MAPK6: variants seen among roughly 807,000 people sequenced by gnomAD.
MAPK6 encodes mitogen-activated protein kinase 6.
Under a neutral mutation model 59.3 loss-of-function variants are expected in MAPK6, and 19 were observed. The observed-to-expected ratio is 0.32, with a 90% CI of 0.22 to 0.47. The LOEUF (loss-of-function observed/expected upper bound fraction) is 0.47. MAPK6 is among the 20% of genes least tolerant of loss of function. The probability of loss-of-function intolerance (pLI) is 1.00; values close to 1 mark genes in which losing one functional copy is unlikely to be tolerated. For missense variants in MAPK6, 724 were observed against 847.9 expected, an observed-to-expected ratio of 0.85 and a Z score of 1.81; for synonymous variants, 316 against 290.3, an observed-to-expected ratio of 1.09 and a Z score of -0.90.
chr15:52,064,282 G>A lies in MAPK6; in HGVS notation c.1448G>A (p.Ser483Asn), dbSNP rs147343540. ...GATCTTTCCAATTGGAAAGAACAAA[G>A]CAAAGAAAAATCTGATAAGAAAGGC... is the stretch of plus-strand genomic sequence containing the variant. ...IIDLSNWKEQ[S>N]KEKSDKKGKS... Residue 483 changes from serine to asparagine, a missense_variant, in exon 6 of 6, where the codon AGC becomes AAC. This residue lies in a region of MAPK6 where 502 missense variants were observed against 507.6 expected (regional missense o/e 0.99). Coordinates refer to ENST00000261845, the MANE Select transcript of MAPK6 (RefSeq NM_002748.4). 1.2e-4 allele frequency: 194 copies of A among 1,610,102 alleles called. No homozygotes were observed. Among genetic ancestry groups the A allele is most frequent in the Non-Finnish European group, 1.4e-4 (165 of 1,179,162 alleles).
At chr15:52,013,007 AAAAAAAAAAAAAAATAT>A (rs1294483222) in intron 3 of MAPK6, among the ~76,000 whole-genome samples, 2 of 22,518 alleles carry the variant, frequency 8.9e-5, no homozygotes, top group African/African-American at 3.0e-4. Flanking sequence ...AAAAAAAAAA[AAAAAAAAAAAAAAATAT>A]ATATATATAT....
rs140761472 is a variant in MAPK6 at position 52,031,140 on chromosome 15, C to T, written c.-632+11764C>T. ...GAGAGACAGGGTTTCCCCCTGTTGGCCAGGCTGGTCTCAAACTCCTCACTT... is the reference window on the plus strand; with the variant it reads ...GAGAGACAGGGTTTCCCCCTGTTGGTCAGGCTGGTCTCAAACTCCTCACTT... On this transcript the variant is annotated intron_variant, in intron 1 of 5. Transcript: ENST00000261845. 3.3e-5 allele frequency among the ~76,000 whole-genome samples: 5 copies of T among 152,026 alleles called. No individual in the cohort carries two copies. The East Asian group carries it at 9.7e-4, about 29-fold the overall frequency.
At chr15:51,997,061 C>T (rs1049429460) in intron 2 of MAPK6, among the ~76,000 whole-genome samples, 4 of 151,854 alleles carry the variant, frequency 2.6e-5, no homozygotes, top group East Asian at 1.9e-4. Flanking sequence ...CTCACTGCAA[C>T]GTCTGCCTCC....
At chr15:52,052,683 A>G (rs985552365) in intron 3 of MAPK6, among the ~76,000 whole-genome samples, 17 of 152,158 alleles carry the variant, frequency 1.1e-4, no homozygotes, top group East Asian at 1.9e-4. Context: ...TCATGTAGCA[A>G]TATTTTGGAG....
chr15:51,990,452 G>A (rs183807052), intron 2 of MAPK6, among the ~76,000 whole-genome samples: 17 of 152,294 alleles, frequency 1.1e-4, no homozygotes, highest in Non-Finnish European at 1.5e-4. Flanking sequence ...ATATTGTAGC[G>A]AAAAAGAGAA....
At position 52,028,203 on chromosome 15, in the gene MAPK6, C is replaced by T. The variant is rs1455526920; in HGVS notation, c.-632+8827C>T. Among the ~76,000 whole-genome samples the T allele has an allele frequency of 2.0e-5, 3 of 152,070 alleles. No homozygotes were observed. In the East Asian group the frequency reaches 5.8e-4, roughly 29 times the overall value. ...TCCTGACCTTGTGATCCGCCCGCCT[C>T]GGCCTCCCAAAGTGCTGGGATTACA... On this transcript the variant is annotated intron_variant, in intron 1 of 5. Coordinates refer to ENST00000261845, the MANE Select transcript of MAPK6 (RefSeq NM_002748.4).
intron 3 of MAPK6, among the ~76,000 whole-genome samples, chr15:52,057,892 C>T (rs2141117283): frequency 6.6e-6 from 1 of 152,300 alleles, no homozygotes; most frequent in South Asian, 2.1e-4. Flanking sequence ...CTGTCTTTAT[C>T]CACAAGATTG....
intron 3 of MAPK6, among the ~76,000 whole-genome samples, chr15:52,013,605 T>A (rs1033835592): frequency 6.6e-6 from 1 of 152,222 alleles, no homozygotes; most frequent in African/African-American, 2.4e-5. Flanking sequence ...TGTATTATCA[T>A]CTCCTTCCTC....
intron 3 of MAPK6, among the ~76,000 whole-genome samples, chr15:52,013,812 T>C (rs2030159001): frequency 6.6e-6 from 1 of 152,232 alleles, no homozygotes; most frequent in African/African-American, 2.4e-5. Context: ...TAGATTCTTC[T>C]ACCTGCTCCA....
intron 1 of MAPK6, among the ~76,000 whole-genome samples, chr15:51,980,504 A>C (rs900042799): frequency 1.4e-5 from 2 of 147,872 alleles, no homozygotes; most frequent in African/African-American, 5.0e-5. Flanking sequence ...TTTGGTATCT[A>C]GGATGCATAA....
At position 51,983,507 on chromosome 15, in the gene MAPK6, A is replaced by AT. The variant is rs529863612; in HGVS notation, c.-770+192_-770+193insT. Among the ~76,000 whole-genome samples the AT allele has an allele frequency of 5.2e-3, 751 of 144,570 alleles. 6 individuals are homozygous for AT. Among genetic ancestry groups the AT allele is most frequent in the African/African-American group, 0.02 (712 of 36,060 alleles). 94.8% of individuals were successfully genotyped at this position (144,570 alleles called of 152,430 possible). ...AACAAGCAAACAAAAAACGACAACA[A>AT]CAAAAAAAAACAGGACAACAGGGCT... is the stretch of plus-strand genomic sequence containing the variant. On this transcript the variant is annotated intron_variant, in intron 2 of 7. Transcript: ENST00000691380.
chr15:51,993,405 A>G (rs1237283166), intron 2 of MAPK6, among the ~76,000 whole-genome samples: 1 of 152,256 alleles, frequency 6.6e-6, no homozygotes, highest in African/African-American at 2.4e-5. Flanking sequence ...TGTCACAGAC[A>G]GACCCAGGAG....
At position 51,989,322 on chromosome 15, in the gene MAPK6, G is replaced by A. The variant is rs544622729; in HGVS notation, c.-770+6007G>A. On this transcript the variant is annotated intron_variant, in intron 2 of 7. Transcript: ENST00000691380. ...TTGAACTCCTGACATCAGTTGATCC[G>A]CCCGCCTCAGCCTCCCAAAGTGCCG... Among the ~76,000 whole-genome samples, 7 of 151,706 alleles carry A rather than the reference G, an allele frequency of 4.6e-5. No individual in the cohort carries two copies. The South Asian group carries it at 6.3e-4, about 14-fold the overall frequency.
At chr15:52,005,542 G>C (rs2057255979) in intron 3 of MAPK6, among the ~76,000 whole-genome samples, 1 of 151,726 alleles carries the variant, frequency 6.6e-6, no homozygotes, top group Non-Finnish European at 1.5e-5. Flanking sequence ...AAAAAAAAGA[G>C]AGAGAGAGAT....
chr15:51,999,530 C>T (rs1252546226), intron 2 of MAPK6, among the ~76,000 whole-genome samples: 1 of 152,056 alleles, frequency 6.6e-6, no homozygotes, highest in Non-Finnish European at 1.5e-5. Context: ...GGCTAGTAGA[C>T]TCTTATCAGA....
At position 52,063,884 on chromosome 15, in the gene MAPK6, T is replaced by C. The variant is rs370355033; in HGVS notation, c.1068-18T>C. On this transcript the variant is annotated intron_variant, in intron 5 of 5. Coordinates refer to ENST00000261845, the MANE Select transcript of MAPK6 (RefSeq NM_002748.4). ...AATCATATACGTAGAATAACGCTAGTGTATTGATTTTTTTCAGGTATCATG... is the reference window on the plus strand; with the variant it reads ...AATCATATACGTAGAATAACGCTAGCGTATTGATTTTTTTCAGGTATCATG... 2 of 1,527,064 alleles carry C rather than the reference T, an allele frequency of 1.3e-6. No individual in the cohort carries two copies. The highest frequency in any genetic ancestry group is 1.8e-6 in the Non-Finnish European group (2 of 1,139,528). The allele number at this position is 1,527,064 out of a possible 1,614,324, so 94.6% of individuals were successfully genotyped here.
chr15:52,061,525 A>G (rs750619288), intron 5 of MAPK6, 25 bp downstream of exon 5: 84 of 1,554,092 alleles, frequency 5.4e-5, no homozygotes, highest in Non-Finnish European at 7.4e-5. Flanking sequence ...AATTAGAAAA[A>G]TAATATTTAC....
At chr15:52,053,594 GATTGATTGGTTGATTGATTGATT>G (rs1208905932) in intron 3 of MAPK6, among the ~76,000 whole-genome samples, 1 of 1,650 alleles carries the variant, frequency 6.1e-4, no homozygotes, top group African/African-American at 1.0e-3. Context: ...AAACAAGATT[GATTGATTGGTTGATTGATTGATT>G]GATTGATTGG....
At chr15:52,015,900 A>G (rs186888694), upstream of MAPK6, among the ~76,000 whole-genome samples, 1,112 of 108,798 alleles carry the variant, frequency 0.01, 5 homozygotes, top group Non-Finnish European at 0.015. Flanking sequence ...TCTACTAAAA[A>G]TGCAAAAATT....
Sources: gnomAD v4.1 joint callset for allele counts (sites outside exome capture counted in the v4.1 genomes callset) on GRCh38, gnomAD v4.1.1 for gene constraint, gnomAD v4.1.1 regional missense constraint, MANE v1.5 for transcripts, NCBI Gene and HGNC (gene_info 2026-07-23, HGNC 2026-07-21) for gene names.